The following CAMK1D variants were observed in gnomAD, a reference collection of about 807,000 sequenced individuals.
CAMK1D encodes the protein calcium/calmodulin dependent protein kinase ID.
A neutral mutation model predicts 47.7 loss-of-function variants in CAMK1D; 9 were observed. That is an observed-to-expected ratio of 0.19 (90% CI 0.11 to 0.33). CAMK1D has a LOEUF of 0.33. CAMK1D is among the 10% of genes least tolerant of loss of function. The pLI is 1.00. For synonymous variants in CAMK1D, 184 were observed against 184.9 expected, an observed-to-expected ratio of 0.99 and a Z score of 0.04; for missense variants, 291 against 488.7, an observed-to-expected ratio of 0.60 and a Z score of 3.81.
At chr10:12,391,083 G>A (rs1187919915) in intron 1 of CAMK1D, among the ~76,000 whole-genome samples, 2 of 152,154 alleles carry the variant, frequency 1.3e-5, no homozygotes, top group Admixed American at 6.5e-5. Flanking sequence ...TCGTGAATGA[G>A]GAAAACCCTT....
At chr10:12,618,546 A>AT (rs1418741349) in intron 2 of CAMK1D, among the ~76,000 whole-genome samples, 23 of 152,130 alleles carry the variant, frequency 1.5e-4, no homozygotes, top group Admixed American at 4.6e-4. Flanking sequence ...TCGTGGGGGG[A>AT]TTTTTTGGGA....
chr10:12,834,727 T>C lies in CAMK1D; in HGVS notation c.*5840T>C, dbSNP rs1033079347. 1 of 152,160 alleles carries C rather than the reference T, an allele frequency of 6.6e-6. No individual in the cohort carries two copies. Among genetic ancestry groups the C allele is most frequent in the Non-Finnish European group, 1.5e-5 (1 of 68,040 alleles). The allele number at this position is 152,160 out of a possible 1,614,324, so 9.4% of individuals were successfully genotyped here. A position where few individuals can be genotyped will look rare whatever the true frequency, so the allele number is the denominator to read the frequency against. On this transcript the variant is annotated 3_prime_UTR_variant, in exon 11 of 11. Coordinates refer to ENST00000619168, the MANE Select transcript of CAMK1D (RefSeq NM_153498.4). ...GAAAATGAGGAGGAGTTGGTTTTAC[T>C]CTTAGAGATAAGACTTCAGCAGGGG...
intron 3 of CAMK1D, among the ~76,000 whole-genome samples, chr10:12,757,586 A>G (rs189419777): frequency 2.4e-4 from 36 of 152,332 alleles, no homozygotes; most frequent in Admixed American, 1.2e-3. Flanking sequence ...GATAGTGTCT[A>G]CCTCACAACT....
At chr10:12,426,695 C>T (rs939389273) in intron 1 of CAMK1D, among the ~76,000 whole-genome samples, 4 of 151,870 alleles carry the variant, frequency 2.6e-5, no homozygotes, top group South Asian at 2.1e-4. Context: ...ACCCCAGGTG[C>T]GTGCCACCAC....
At chr10:12,613,872 C>T (rs1032759006) in intron 2 of CAMK1D, among the ~76,000 whole-genome samples, 11 of 152,204 alleles carry the variant, frequency 7.2e-5, no homozygotes, top group Middle Eastern at 3.4e-3. Context: ...CAATAATATC[C>T]CGATTGTACA....
At chr10:12,727,953 A>G (rs1439321722) in intron 3 of CAMK1D, among the ~76,000 whole-genome samples, 1 of 151,918 alleles carries the variant, frequency 6.6e-6, no homozygotes, top group Non-Finnish European at 1.5e-5. Flanking sequence ...TTTAGTAGAG[A>G]CGGGATTTCA....
rs190831190 is a variant in CAMK1D, at chr10:12,583,239, C to T, written c.224+29883C>T. Among the ~76,000 whole-genome samples, 382 of 152,194 alleles carry T rather than the reference C, an allele frequency of 2.5e-3. 3 individuals carry two copies. In the Middle Eastern group the frequency reaches 0.065, roughly 26 times the overall value. ...CAGTTGTAGCTCTATCTAGAGAAGG[C>T]AATGGATGGGCTGATTTCCCAAGCT... is the stretch of plus-strand genomic sequence containing the variant. On this transcript the variant is annotated intron_variant, in intron 2 of 10. Transcript: ENST00000619168.
intron 1 of CAMK1D, among the ~76,000 whole-genome samples, chr10:12,545,736 G>A (rs1443239275): frequency 6.6e-6 from 1 of 151,722 alleles, no homozygotes; most frequent in Non-Finnish European, 1.5e-5. Context: ...GGAGTCGGAG[G>A]TTGCAGTGAG....
intron 1 of CAMK1D, among the ~76,000 whole-genome samples, chr10:12,517,537 A>C (rs917395466): frequency 6.6e-6 from 1 of 152,082 alleles, no homozygotes; most frequent in South Asian, 2.1e-4. Context: ...CTAGTTAAGG[A>C]AGTTTGCTTT....
At chr10:12,704,400 G>A (rs990435027) in intron 3 of CAMK1D, among the ~76,000 whole-genome samples, 12 of 152,204 alleles carry the variant, frequency 7.9e-5, no homozygotes, top group Non-Finnish European at 1.2e-4. Context: ...AATGGCTAGG[G>A]ACCAGTATAA....
At chr10:12,552,844 C>T (rs112462269) in intron 1 of CAMK1D, among the ~76,000 whole-genome samples, 7 of 152,300 alleles carry the variant, frequency 4.6e-5, no homozygotes, top group East Asian at 3.9e-4. Flanking sequence ...CAAGCTCAAG[C>T]GATTCTCCTG....
At chr10:12,491,221 A>G (rs1431318980) in intron 1 of CAMK1D, among the ~76,000 whole-genome samples, 4 of 152,068 alleles carry the variant, frequency 2.6e-5, no homozygotes, top group Admixed American at 6.5e-5. Context: ...AGGCTTTGCT[A>G]GGAAATCCCT....
intron 5 of CAMK1D, among the ~76,000 whole-genome samples, chr10:12,771,829 T>G (rs1044596745): frequency 2.0e-5 from 3 of 152,154 alleles, no homozygotes. Context: ...AGTCCAGGAA[T>G]TCAAGATCAG....
In CAMK1D at chr10:12,458,308, C is replaced by T. The variant is rs144846624; in HGVS notation, c.93-94917C>T. On this transcript the variant is annotated intron_variant, in intron 1 of 10. Coordinates refer to ENST00000619168, the MANE Select transcript of CAMK1D (RefSeq NM_153498.4). ...ATTAGTGAGGAAGAGAAGGCTCATG[C>T]GGCAGGACCTAGAGAGGAAGGCGAG... Among the ~76,000 whole-genome samples, 66 of 152,270 alleles carry T rather than the reference C, an allele frequency of 4.3e-4. 2 individuals are homozygous for T. The highest frequency in any genetic ancestry group is 1.5e-3 in the African/African-American group (63 of 41,564).
At chr10:12,725,711 A>T (rs1379951511) in intron 3 of CAMK1D, among the ~76,000 whole-genome samples, 1 of 152,166 alleles carries the variant, frequency 6.6e-6, no homozygotes, top group Non-Finnish European at 1.5e-5. Context: ...GGGATTCCAA[A>T]ACTGGTCATG....
At chr10:12,396,125 C>T (rs960954064) in intron 1 of CAMK1D, among the ~76,000 whole-genome samples, 2 of 152,026 alleles carry the variant, frequency 1.3e-5, no homozygotes, top group African/African-American at 2.4e-5. Context: ...TCACCCACCT[C>T]GGCCTCCCAA....
intron 2 of CAMK1D, among the ~76,000 whole-genome samples, chr10:12,566,499 C>A (rs1363256188): frequency 2.0e-5 from 3 of 152,204 alleles, no homozygotes; most frequent in African/African-American, 4.8e-5. Flanking sequence ...ATCTGACCGT[C>A]TGCTTCTCTT....
chr10:12,553,448 G>A (rs946623103), intron 2 of CAMK1D, 92 bp downstream of exon 2: 27 of 1,068,116 alleles, frequency 2.5e-5, no homozygotes, highest in Non-Finnish European at 3.6e-5. Context: ...TTTCCCCGGG[G>A]GCAGAGGGGC....
rs1321998833 is a variant in CAMK1D, at chr10:12,835,314, A to G, written c.*6427A>G. 2.0e-5 allele frequency: 3 copies of G among 152,182 alleles called. No homozygotes were observed. The highest frequency in any genetic ancestry group is 2.9e-5 in the Non-Finnish European group (2 of 68,024). 9.4% of individuals were successfully genotyped at this position (152,182 alleles called of 1,614,324 possible). The stretch of plus-strand genomic sequence containing the variant: ...TGCAATTGGTTCAATTTTCCCATAA[A>G]AACATGTTTGTCCAAAAGAAGGGAA... On this transcript the variant is annotated 3_prime_UTR_variant, in exon 11 of 11. Coordinates refer to ENST00000619168, the MANE Select transcript of CAMK1D (RefSeq NM_153498.4).
Sources: gnomAD v4.1 joint callset for allele counts (sites outside exome capture counted in the v4.1 genomes callset) on GRCh38, gnomAD v4.1.1 for gene constraint, MANE v1.5 for transcripts, NCBI Gene and HGNC (gene_info 2026-07-23, HGNC 2026-07-21) for gene names.